AUH: variants seen among roughly 807,000 people sequenced by gnomAD.
The protein encoded by AUH is AU RNA binding methylglutaconyl-CoA hydratase, also known as methylglutaconyl-CoA hydratase, mitochondrial.
A neutral mutation model predicts 42.3 loss-of-function variants in AUH; 29 were observed. The observed-to-expected ratio is 0.69, with a 90% CI of 0.51 to 0.93. The LOEUF (loss-of-function observed/expected upper bound fraction) is 0.93. AUH is among the 40% of genes least tolerant of loss of function. The probability of loss-of-function intolerance (pLI) is 0.00; values close to 1 mark genes in which losing one functional copy is unlikely to be tolerated. For missense variants in AUH, 452 were observed against 438.1 expected, an observed-to-expected ratio of 1.03 and a Z score of -0.28; for synonymous variants, 174 against 166.4, an observed-to-expected ratio of 1.05 and a Z score of -0.35.
intron 6 of AUH, among the ~76,000 whole-genome samples, chr9:91,225,913 G>A (rs1827435625): frequency 2.0e-5 from 3 of 151,174 alleles, no homozygotes; most frequent in African/African-American, 4.9e-5. Context: ...GTATTCCATG[G>A]TGTATATGTG....
chr9:91,333,283 T>A (rs981366980), intron 3 of AUH, among the ~76,000 whole-genome samples: 1 of 152,232 alleles, frequency 6.6e-6, no homozygotes, highest in African/African-American at 2.4e-5. Flanking sequence ...GCTTTCAATT[T>A]TTTTTTTCCT....
intron 6 of AUH, among the ~76,000 whole-genome samples, chr9:91,246,073 A>G (rs1169977506): frequency 1.3e-5 from 2 of 151,620 alleles, no homozygotes; most frequent in African/African-American, 4.8e-5. Flanking sequence ...CAGCCTGGGA[A>G]AAGATATTTA....
chr9:91,241,017 T>C (rs1241482443), intron 6 of AUH, among the ~76,000 whole-genome samples: 1 of 152,198 alleles, frequency 6.6e-6, no homozygotes, highest in Non-Finnish European at 1.5e-5. Flanking sequence ...CTAGACAACC[T>C]GGGTCACACA....
At chr9:91,301,516 G>A (rs1827783122) in intron 4 of AUH, among the ~76,000 whole-genome samples, 1 of 152,164 alleles carries the variant, frequency 6.6e-6, no homozygotes, top group Non-Finnish European at 1.5e-5. Flanking sequence ...ACCAGCCTGG[G>A]AAACATGGTG....
At chr9:91,300,676 T>C (rs1199177106) in intron 4 of AUH, among the ~76,000 whole-genome samples, 2 of 152,214 alleles carry the variant, frequency 1.3e-5, no homozygotes, top group African/African-American at 4.8e-5. Flanking sequence ...GGTGTAAACA[T>C]TTAGCATGGC....
chr9:91,285,211 C>CA (rs1266321540), intron 6 of AUH, among the ~76,000 whole-genome samples: 1 of 147,352 alleles, frequency 6.8e-6, no homozygotes, highest in Non-Finnish European at 1.5e-5. Context: ...ATTGCAAGGA[C>CA]AAAAAACCAA....
chr9:91,319,726 C>T (rs1435679706), intron 4 of AUH, among the ~76,000 whole-genome samples: 1 of 152,232 alleles, frequency 6.6e-6, no homozygotes, highest in Non-Finnish European at 1.5e-5. Flanking sequence ...CGTGCAGCCC[C>T]TCCCAAGGGC....
intron 6 of AUH, among the ~76,000 whole-genome samples, chr9:91,267,584 A>G (rs779153198): frequency 6.6e-5 from 10 of 152,136 alleles, no homozygotes; most frequent in Non-Finnish European, 1.2e-4. Flanking sequence ...AGTGGAAAGC[A>G]AGTATGAAGC....
In AUH at chr9:91,356,096, T is replaced by C. The variant is rs750798241; in HGVS notation, c.322A>G (p.Ile108Val). 1 of 1,613,214 alleles carries C rather than the reference T, an allele frequency of 6.2e-7. No homozygotes were observed. Among genetic ancestry groups the C allele is most frequent in the Non-Finnish European group, 8.5e-7 (1 of 1,179,382 alleles). Reference sequence around the variant, plus strand: ...TTAATCTTTACACTCACCATTTTTATAAGATTTTTACTGAGTGAATTTTTG... The same window carrying C: ...TTAATCTTTACACTCACCATTTTTACAAGATTTTTACTGAGTGAATTTTTG... ...YGKNSLSKNL[I>V]KMLSKAVDAL... is the part of the protein sequence containing the mutation. Residue 108 changes from isoleucine to valine, a missense_variant, in exon 2 of 10, where the codon ATA (isoleucine) becomes GTA (valine). Physicochemically the swap from Ile to Val is conservative, Grantham distance 29 (BLOSUM62 3). Coordinates refer to ENST00000375731, the MANE Select transcript of AUH (RefSeq NM_001698.3).
At chr9:91,355,521 C>T (rs1832341934) in intron 3 of AUH, among the ~76,000 whole-genome samples, 1 of 150,824 alleles carries the variant, frequency 6.6e-6, no homozygotes, top group South Asian at 2.1e-4. Context: ...CACGCCACTG[C>T]AGCCTGGGTG....
chr9:91,295,586 C>T (rs1255170869), intron 6 of AUH, among the ~76,000 whole-genome samples: 1 of 152,252 alleles, frequency 6.6e-6, no homozygotes. Context: ...GCAACCGCCA[C>T]TCTAATCAGT....
intron 1 of AUH, among the ~76,000 whole-genome samples, chr9:91,356,642 C>T (rs1432201641): frequency 6.6e-6 from 1 of 152,112 alleles, no homozygotes; most frequent in Non-Finnish European, 1.5e-5. Flanking sequence ...ACTTCCAACT[C>T]AACCTATACA....
chr9:91,276,950 T>C (rs1209168250), intron 6 of AUH, among the ~76,000 whole-genome samples: 1 of 152,178 alleles, frequency 6.6e-6, no homozygotes, highest in Non-Finnish European at 1.5e-5. Context: ...TTTGGGAAGC[T>C]GAGGTGGGAA....
At chr9:91,226,984 G>A (rs1294440755) in intron 6 of AUH, among the ~76,000 whole-genome samples, 65 of 150,648 alleles carry the variant, frequency 4.3e-4, no homozygotes, top group African/African-American at 1.5e-3. Context: ...GTCAGGTAGT[G>A]TGATGCCTCC....
intron 5 of AUH, among the ~76,000 whole-genome samples, chr9:91,297,390 A>G (rs1481355846): frequency 1.3e-5 from 2 of 152,186 alleles, no homozygotes; most frequent in Admixed American, 1.3e-4. Flanking sequence ...ATCCTCAGAA[A>G]ACCATTCAGG....
chr9:91,253,777 T>C (rs1415372035), intron 6 of AUH, among the ~76,000 whole-genome samples: 1 of 152,240 alleles, frequency 6.6e-6, no homozygotes, highest in Admixed American at 6.5e-5. Context: ...TTCAGATTAG[T>C]CTATCAAGGT....
At position 91,270,062 on chromosome 9, in the gene AUH, T is replaced by C. The variant is rs529737312; in HGVS notation, c.655+25959A>G. 3.9e-5 allele frequency among the ~76,000 whole-genome samples: 6 copies of C among 152,302 alleles called. No homozygotes were observed. In the South Asian group the frequency reaches 1.0e-3, roughly 26 times the overall value. On this transcript the variant is annotated intron_variant, in intron 6 of 9. Transcript: ENST00000375731. ...TTTTACTAAAATTAAAATTCCATTT[T>C]AGATTTTAAAAGGATATGCTTCTTA...
At chr9:91,252,236 A>G (rs2131392371) in intron 6 of AUH, among the ~76,000 whole-genome samples, 1 of 152,192 alleles carries the variant, frequency 6.6e-6, no homozygotes, top group East Asian at 1.9e-4. Flanking sequence ...AAGTGCTGGG[A>G]ATACGGACTT....
At chr9:91,327,737 G>A (rs1289554493) in intron 3 of AUH, among the ~76,000 whole-genome samples, 2 of 152,212 alleles carry the variant, frequency 1.3e-5, no homozygotes, top group African/African-American at 4.8e-5. Flanking sequence ...GCTGTAACAT[G>A]CTCCCGCTAG....
Sources: gnomAD v4.1 joint callset for allele counts (sites outside exome capture counted in the v4.1 genomes callset) on GRCh38, gnomAD v4.1.1 for gene constraint, MANE v1.5 for transcripts, NCBI Gene and HGNC (gene_info 2026-07-23, HGNC 2026-07-21) for gene names.